Variants in RORA observed in about 807,000 individuals in gnomAD.
RORA encodes nuclear receptor ROR-alpha.
A neutral mutation model predicts 69.5 loss-of-function variants in RORA; 7 were observed. The ratio of observed to expected loss-of-function variants is 0.10; its 90% CI spans 0.06 to 0.19. The LOEUF is 0.19. RORA is among the 10% of genes least tolerant of loss of function. RORA has a pLI of 1.00. For synonymous variants in RORA, 261 were observed against 240.8 expected (o/e 1.08, Z -0.78); for missense variants, 457 against 663.0 (o/e 0.69, Z 3.41).
intron 1 of RORA, among the ~76,000 whole-genome samples, chr15:60,850,504 G>A (rs1343285563): frequency 2.6e-5 from 4 of 152,150 alleles, no homozygotes; most frequent in Non-Finnish European, 4.4e-5. Flanking sequence ...TCTCTAAAAT[G>A]GGGATAATAA....
At chr15:60,725,799 C>T (rs1350636525) in intron 1 of RORA, among the ~76,000 whole-genome samples, 3 of 152,136 alleles carry the variant, frequency 2.0e-5, no homozygotes, top group Non-Finnish European at 4.4e-5. Flanking sequence ...TCATCAAAGA[C>T]TATGTCCCTC....
chr15:61,084,440 T>C (rs1342251489), intron 1 of RORA, among the ~76,000 whole-genome samples: 1 of 152,200 alleles, frequency 6.6e-6, no homozygotes, highest in Non-Finnish European at 1.5e-5. Context: ...AGCCCAAAGA[T>C]AATTACAAGA....
chr15:61,050,057 G>C (rs1897226259), intron 1 of RORA, among the ~76,000 whole-genome samples: 1 of 152,174 alleles, frequency 6.6e-6, no homozygotes, highest in African/African-American at 2.4e-5. Flanking sequence ...CAACACGTTT[G>C]ATATGACCAC....
chr15:61,077,485 C>T (rs111931770), intron 1 of RORA, among the ~76,000 whole-genome samples: 34 of 152,176 alleles, frequency 2.2e-4, no homozygotes, highest in African/African-American at 7.2e-4. Context: ...GGGTTATGAA[C>T]GTGAAAGGCA....
chr15:61,127,700 C>T (rs145613176), intron 1 of RORA, among the ~76,000 whole-genome samples: 6 of 152,282 alleles, frequency 3.9e-5, no homozygotes, highest in African/African-American at 9.6e-5. Flanking sequence ...TTTGACAGAA[C>T]ATTTCAACAG....
At chr15:60,716,809 T>C (rs1319916315) in intron 1 of RORA, among the ~76,000 whole-genome samples, 1 of 152,180 alleles carries the variant, frequency 6.6e-6, no homozygotes, top group African/African-American at 2.4e-5. Context: ...GAGCTGAATA[T>C]GTGGAGGTTC....
At chr15:60,624,275 C>G (rs1427653549) in intron 2 of RORA, among the ~76,000 whole-genome samples, 1 of 151,230 alleles carries the variant, frequency 6.6e-6, no homozygotes, top group Non-Finnish European at 1.5e-5. Context: ...TCTTTCTTTT[C>G]CTGGACCACT....
intron 1 of RORA, among the ~76,000 whole-genome samples, chr15:60,723,638 A>C (rs558969419): frequency 1.4e-4 from 21 of 152,296 alleles, no homozygotes; most frequent in African/African-American, 4.8e-4. Flanking sequence ...AACTCATGAG[A>C]CTTTATCAGA....
intron 2 of RORA, among the ~76,000 whole-genome samples, chr15:60,588,422 C>T (rs2068397475): frequency 6.7e-6 from 1 of 149,818 alleles, no homozygotes; most frequent in Non-Finnish European, 1.5e-5. Flanking sequence ...GAAAACTGAA[C>T]CCTACATCTA....
At chr15:60,995,928 T>C (rs1351206276) in intron 1 of RORA, among the ~76,000 whole-genome samples, 1 of 152,220 alleles carries the variant, frequency 6.6e-6, no homozygotes, top group Non-Finnish European at 1.5e-5. Context: ...TGAAAGTTCC[T>C]TGCTTATCAA....
At chr15:60,632,518 T>G (rs994923040) in intron 2 of RORA, among the ~76,000 whole-genome samples, 1 of 152,216 alleles carries the variant, frequency 6.6e-6, no homozygotes, top group Non-Finnish European at 1.5e-5. Context: ...GAATAATTTT[T>G]TAGTATATTC....
intron 1 of RORA, among the ~76,000 whole-genome samples, chr15:60,850,777 C>T (rs557100591): frequency 6.6e-6 from 1 of 152,292 alleles, no homozygotes; most frequent in Non-Finnish European, 1.5e-5. Flanking sequence ...CCACGTCTTC[C>T]CTGCTGATCA....
chr15:60,797,335 G>C (rs182245888), intron 1 of RORA, among the ~76,000 whole-genome samples: 1 of 152,204 alleles, frequency 6.6e-6, no homozygotes, highest in African/African-American at 2.4e-5. Flanking sequence ...GAGGTGGCTG[G>C]GAGAAGGGAC....
chr15:60,739,188 C>T (rs867904448), intron 1 of RORA, among the ~76,000 whole-genome samples: 5 of 152,168 alleles, frequency 3.3e-5, no homozygotes, highest in Non-Finnish European at 5.9e-5. Context: ...CTTTCAAGGA[C>T]GTTCTCTGAG....
intron 1 of RORA, among the ~76,000 whole-genome samples, chr15:61,182,741 AG>A (rs1319193763): frequency 6.6e-6 from 1 of 152,252 alleles, no homozygotes; most frequent in African/African-American, 2.4e-5. Context: ...AATCAGATCG[AG>A]GTTCACATCA....
At chr15:61,178,242 T>A (rs1259131413) in intron 1 of RORA, among the ~76,000 whole-genome samples, 1 of 152,122 alleles carries the variant, frequency 6.6e-6, no homozygotes, top group Non-Finnish European at 1.5e-5. Context: ...CATCCTGACT[T>A]TCCTAAAGTG....
chr15:61,211,045 C>G (rs1435264291), intron 1 of RORA, among the ~76,000 whole-genome samples: 2 of 152,218 alleles, frequency 1.3e-5, no homozygotes, highest in Non-Finnish European at 2.9e-5. Flanking sequence ...CTTTGCCTAG[C>G]TAGGCCAAGG....
intron 2 of RORA, among the ~76,000 whole-genome samples, chr15:60,542,037 T>C (rs1461769829): frequency 6.6e-6 from 1 of 152,236 alleles, no homozygotes; most frequent in Non-Finnish European, 1.5e-5. Flanking sequence ...TGTGTCTCTG[T>C]CACTTAAGAT....
At chr15:61,073,638 A>G (rs542364753) in intron 1 of RORA, among the ~76,000 whole-genome samples, 3 of 152,332 alleles carry the variant, frequency 2.0e-5, no homozygotes, top group East Asian at 1.9e-4. Context: ...TCGCATCTCA[A>G]TGAATCACGT....
Sources: gnomAD v4.1 joint callset for allele counts (sites outside exome capture counted in the v4.1 genomes callset) on GRCh38, gnomAD v4.1.1 for gene constraint, MANE v1.5 for transcripts, NCBI Gene and HGNC (gene_info 2026-07-23, HGNC 2026-07-21) for gene names.